The following NBAS variants were observed in gnomAD, a reference collection of about 807,000 sequenced individuals.
The protein encoded by NBAS is NAG/BC035112 fusion.
NBAS carries 219 observed loss-of-function variants against 302.5 expected under a neutral mutation model. The observed-to-expected ratio is 0.72, with a 90% CI of 0.65 to 0.81. The LOEUF is 0.81. NBAS is among the 30% of genes least tolerant of loss of function. The pLI is 0.00. For missense variants in NBAS, 2,932 were observed against 2,841.6 expected (o/e 1.03, Z -0.72); for synonymous variants, 1,118 against 1,021.6 (o/e 1.09, Z -1.80).
intron 32 of NBAS, among the ~76,000 whole-genome samples, chr2:15,363,071 C>T (rs1674016631): frequency 6.6e-6 from 1 of 151,922 alleles, no homozygotes; most frequent in African/African-American, 2.4e-5. Flanking sequence ...AACAAAAACC[C>T]AAAAAACAGT....
intron 16 of NBAS, among the ~76,000 whole-genome samples, chr2:15,469,287 T>C (rs566022257): frequency 6.6e-6 from 1 of 152,224 alleles, no homozygotes; most frequent in Non-Finnish European, 1.5e-5. Flanking sequence ...CTGTAAATTG[T>C]GATGTTAGGG....
intron 32 of NBAS, 87 bp downstream of exon 32, chr2:15,366,493 G>C (rs1345206130): frequency 7.8e-7 from 1 of 1,287,312 alleles, no homozygotes; most frequent in African/African-American, 1.5e-5. Context: ...TTCTGACGCT[G>C]TAAGCACATA....
intron 21 of NBAS, among the ~76,000 whole-genome samples, chr2:15,452,885 T>G (rs1225254656): frequency 6.6e-6 from 1 of 152,222 alleles, no homozygotes; most frequent in Non-Finnish European, 1.5e-5. Flanking sequence ...CATTTATTCA[T>G]CCAACAGTCA....
At chr2:15,061,973 T>C in the NBAS span, among the ~76,000 whole-genome samples, 1 of 152,112 alleles carries the variant, frequency 6.6e-6, no homozygotes, top group Non-Finnish European at 1.5e-5. Flanking sequence ...AAGACAGTGA[T>C]CCTCAGCCCT....
the NBAS span, among the ~76,000 whole-genome samples, chr2:14,982,764 T>C: frequency 6.6e-6 from 1 of 152,124 alleles, no homozygotes; most frequent in East Asian, 1.9e-4. Flanking sequence ...AATGCAATAA[T>C]TATAAATAAC....
intron 21 of NBAS, among the ~76,000 whole-genome samples, chr2:15,433,593 G>A (rs1201718459): frequency 6.6e-6 from 1 of 152,148 alleles, no homozygotes; most frequent in Non-Finnish European, 1.5e-5. Flanking sequence ...GCAATTAACA[G>A]TAATATGAAA....
At chr2:15,461,408 A>C (rs1679502060) in intron 20 of NBAS, 71 bp from the exon 21 acceptor site, 1 of 1,530,800 alleles carries the variant, frequency 6.5e-7, no homozygotes, top group African/African-American at 1.4e-5. Flanking sequence ...ATATGACAAC[A>C]TTCAAAAACT....
At chr2:15,511,481 G>A in intron 9 of NBAS, 131 bp from the exon 10 acceptor site, 1 of 794,874 alleles carries the variant, frequency 1.3e-6, no homozygotes, top group African/African-American at 1.8e-5. Context: ...AACCTAGAAG[G>A]TAAATATTTC....
At chr2:15,068,082 A>C in the NBAS span, among the ~76,000 whole-genome samples, 2 of 152,240 alleles carry the variant, frequency 1.3e-5, no homozygotes, top group African/African-American at 4.8e-5. Context: ...ATTTAGAACA[A>C]AGAATGATCT....
rs1234886272 is a variant in NBAS at position 15,475,875 on chromosome 2, C to CTT, written c.1151_1152dup (p.Glu385LysfsTer7). The CTT allele has an allele frequency of 1.9e-6, 3 of 1,612,304 alleles. No individual in the cohort carries two copies. Among genetic ancestry groups the CTT allele is most frequent in the Non-Finnish European group, 2.5e-6 (3 of 1,178,792 alleles). On this transcript the variant is annotated frameshift_variant, in exon 14 of 52. Transcript: ENST00000281513. LOFTEE classifies it high-confidence loss of function. ...ACATCTATCAGTGGGTAAAAGGACT[C>CTT]TTTATCTAAGAAGCGAAAAACAAAT...
chr2:14,871,798 C>CA, the NBAS span, among the ~76,000 whole-genome samples: 2 of 151,902 alleles, frequency 1.3e-5, no homozygotes, highest in East Asian at 3.8e-4. Flanking sequence ...ATGCTCAATT[C>CA]AAAAGACAGC....
the NBAS span, among the ~76,000 whole-genome samples, chr2:14,790,787 G>T: frequency 6.6e-6 from 1 of 152,156 alleles, no homozygotes; most frequent in Non-Finnish European, 1.5e-5. Context: ...GAGTAGCGGG[G>T]ATTACAGGCA....
At position 15,302,316 on chromosome 2, in the gene NBAS, T is replaced by C. The variant is rs901657900; in HGVS notation, c.4797+5900A>G. Among the ~76,000 whole-genome samples the C allele has an allele frequency of 9.0e-4, 137 of 152,348 alleles. 3 individuals are homozygous for C. The highest frequency in any genetic ancestry group is 8.8e-3 in the Admixed American group (134 of 15,302). On this transcript the variant is annotated intron_variant, in intron 40 of 51. Coordinates refer to ENST00000281513, the MANE Select transcript of NBAS (RefSeq NM_015909.4). ...AGTTGCCAAGAAGTCCCTGGAGAAC[T>C]AGCTGACTCATGCCCATGTGCTATC...
intron 44 of NBAS, among the ~76,000 whole-genome samples, chr2:15,240,324 T>C (rs1220189043): frequency 2.6e-5 from 4 of 151,056 alleles, no homozygotes; most frequent in Non-Finnish European, 5.9e-5. Context: ...GTTATGACTT[T>C]AAAATGCTGA....
chr2:15,330,553 T>C (rs778105005), intron 36 of NBAS, 45 bp downstream of exon 36: 90 of 1,609,740 alleles, frequency 5.6e-5, no homozygotes, highest in Non-Finnish European at 7.6e-5. Context: ...AATGAATTTA[T>C]ATAAACCATG....
chr2:15,190,007 T>C (rs1196489279), intron 49 of NBAS, among the ~76,000 whole-genome samples: 2 of 152,214 alleles, frequency 1.3e-5, no homozygotes, highest in African/African-American at 4.8e-5. Flanking sequence ...ACTACATTGT[T>C]TTTGTTGACA....
the NBAS span, among the ~76,000 whole-genome samples, chr2:14,784,766 T>C: frequency 6.6e-6 from 1 of 152,180 alleles, no homozygotes; most frequent in Admixed American, 6.5e-5. Context: ...GCCTCCAGCT[T>C]TGTTCTTTTG....
chr2:15,098,017 T>A, the NBAS span, among the ~76,000 whole-genome samples: 4 of 82,564 alleles, frequency 4.8e-5, no homozygotes, highest in African/African-American at 1.5e-4. Flanking sequence ...TATATTATAT[T>A]GTATATAATA....
chr2:15,079,490 G>C, the NBAS span, among the ~76,000 whole-genome samples: 1 of 152,074 alleles, frequency 6.6e-6, no homozygotes, highest in African/African-American at 2.4e-5. Flanking sequence ...ATCTGCCAGG[G>C]CCACCTTTCC....
Sources: allele counts gnomAD v4.1 joint callset (sites outside exome capture counted in the v4.1 genomes callset), GRCh38; gene constraint gnomAD v4.1.1; transcripts MANE v1.5; gene names NCBI Gene and HGNC (gene_info 2026-07-23, HGNC 2026-07-21).